STMN1: variants seen among roughly 807,000 people sequenced by gnomAD.
The protein encoded by STMN1 is stathmin 1.
Under a neutral mutation model 19.7 loss-of-function variants are expected in STMN1, and 3 were observed. The observed-to-expected ratio is 0.15, with a 90% CI of 0.07 to 0.39. STMN1 has a LOEUF of 0.39. STMN1 is among the 10% of genes least tolerant of loss of function. The pLI, the probability that STMN1 is intolerant of heterozygous loss-of-function variation, is 1.00. For missense variants in STMN1, 99 were observed against 176.0 expected (o/e 0.56, Z 2.48); for synonymous variants, 59 against 58.9 (o/e 1.00, Z -0.01).
At chr1:25,891,948 C>T (rs1335317379) in intron 4 of STMN1, among the ~76,000 whole-genome samples, 1 of 152,168 alleles carries the variant, frequency 6.6e-6, no homozygotes, top group Non-Finnish European at 1.5e-5. Context: ...GCGAGGGGGT[C>T]TCTGCAGTTT....
In STMN1 at chr1:25,901,581, C is replaced by T; in HGVS notation, c.288G>A (p.Met96Ile). 6.2e-7 allele frequency: 1 copy of T among 1,614,102 alleles called. No homozygotes were observed. The highest frequency in any genetic ancestry group is 1.3e-5 in the African/African-American group (1 of 75,026). The change falls in exon 4 of 5, where the codon ATG becomes ATA. Residue 96 changes from methionine (M) to isoleucine (I), a missense_variant. Physicochemically the swap from Met to Ile is conservative, Grantham distance 10. This residue lies in a region of STMN1 where 54 missense variants were observed against 79.4 expected (regional missense o/e 0.68). Coordinates refer to ENST00000455785, the MANE Select transcript of STMN1 (RefSeq NM_005563.4). ...TTTTGTGGGTCAGTTTCTCTTCTGC[C>T]ATTTTACTGAAGTTGTTGTTCTCTT... is the stretch of plus-strand genomic sequence containing the variant. ...AIEENNNFSK[M>I]AEEKLTHKME...
intron 4 of STMN1, chr1:25,892,551 C>T: frequency 1.0e-6 from 1 of 983,800 alleles, no homozygotes; most frequent in Non-Finnish European, 1.2e-6. Flanking sequence ...GTAGATGCCA[C>T]CACGGCTGAG....
rs368618021 is a variant in STMN1 at position 25,904,879 on chromosome 1, AT to A, written c.-62-142del. On this transcript the variant is annotated intron_variant, in intron 1 of 4. Transcript: ENST00000455785. ...GACGTCTAAATTAACCACGAAAAAA[AT>A]TATCAAAATCTACTAAATAAACATT... 5.8e-4 allele frequency: 290 copies of A among 499,040 alleles called. 5 individuals are homozygous for A. Among genetic ancestry groups the A allele is most frequent in the East Asian group, 4.1e-3 (121 of 29,594 alleles). 30.9% of individuals were successfully genotyped at this position (499,040 alleles called of 1,614,324 possible).
rs570539916 is a variant in STMN1 at position 25,901,762 on chromosome 1, C to T, written c.187-80G>A. ...TGGTGGCTCACGCCTGTAATCCCAGCACTTTGGGAGGCCAAGGTGGGTGGA... is the reference window on the plus strand; with the variant it reads ...TGGTGGCTCACGCCTGTAATCCCAGTACTTTGGGAGGCCAAGGTGGGTGGA... On this transcript the variant is annotated intron_variant, in intron 3 of 4. Coordinates refer to ENST00000455785, the MANE Select transcript of STMN1 (RefSeq NM_005563.4). The T allele has an allele frequency of 2.1e-5, 30 of 1,428,744 alleles. No homozygotes were observed. The African/African-American group carries it at 4.3e-4, about 21-fold the overall frequency. 88.5% of individuals were successfully genotyped at this position (1,428,744 alleles called of 1,614,324 possible). A position where few individuals can be genotyped will look rare whatever the true frequency, so the allele number is the denominator to read the frequency against.
chr1:25,895,997 G>T (rs2048815547), downstream of STMN1, among the ~76,000 whole-genome samples: 1 of 152,158 alleles, frequency 6.6e-6, no homozygotes, highest in South Asian at 2.1e-4. Context: ...CTCCCACCAC[G>T]AGCCAGGAGA....
intron 4 of STMN1, among the ~76,000 whole-genome samples, chr1:25,889,619 G>A (rs1476357521): frequency 4.6e-5 from 7 of 152,038 alleles, no homozygotes; most frequent in Admixed American, 4.6e-4. Context: ...CACTGTCCAA[G>A]CCACTCTCAT....
chr1:25,886,479 G>C (rs960917634), intron 4 of STMN1, among the ~76,000 whole-genome samples: 1 of 151,908 alleles, frequency 6.6e-6, no homozygotes, highest in African/African-American at 2.4e-5. Context: ...AGTGGGAGAC[G>C]AGTGCACCTG....
chr1:25,893,267 G>T (rs1223223189), intron 4 of STMN1, among the ~76,000 whole-genome samples: 1 of 152,156 alleles, frequency 6.6e-6, no homozygotes, highest in Non-Finnish European at 1.5e-5. Flanking sequence ...TTATCTCGCT[G>T]CAGACCAGTA....
downstream of STMN1, among the ~76,000 whole-genome samples, chr1:25,898,795 G>A (rs535981321): frequency 6.6e-5 from 10 of 152,324 alleles, no homozygotes; most frequent in African/African-American, 2.2e-4. Context: ...TGGGACAGAC[G>A]CAGACTCCCG....
At chr1:25,901,803 A>T in intron 3 of STMN1, 121 bp from the exon 4 acceptor site, 1 of 905,382 alleles carries the variant, frequency 1.1e-6, no homozygotes. Flanking sequence ...TGAGGTCAGG[A>T]GTTCAAGACC....
intron 4 of STMN1, among the ~76,000 whole-genome samples, chr1:25,886,506 A>G (rs763808100): frequency 7.9e-5 from 12 of 150,974 alleles, no homozygotes; most frequent in South Asian, 2.1e-4. Context: ...CAGTCCAGCC[A>G]TGCTCACATG....
At chr1:25,886,298 C>G (rs893265354) in intron 4 of STMN1, among the ~76,000 whole-genome samples, 4 of 152,178 alleles carry the variant, frequency 2.6e-5, no homozygotes, top group Non-Finnish European at 5.9e-5. Flanking sequence ...AAATCCAAAA[C>G]TCAGGCAGTG....
intron 4 of STMN1, among the ~76,000 whole-genome samples, chr1:25,893,908 G>A (rs909136197): frequency 2.0e-5 from 3 of 152,204 alleles, no homozygotes; most frequent in Admixed American, 6.5e-5. Context: ...GATAACCACA[G>A]GGAGTCATGG....
In STMN1 at chr1:25,906,256, A is replaced by G. The variant is rs912447581; in HGVS notation, c.-63+133T>C. 6.9e-6 allele frequency: 1 copy of G among 144,354 alleles called. No individual in the cohort carries two copies. Among genetic ancestry groups the G allele is most frequent in the African/African-American group, 2.6e-5 (1 of 38,170 alleles). The allele number at this position is 144,354 out of a possible 1,614,324, so 8.9% of individuals were successfully genotyped here. On this transcript the variant is annotated intron_variant, in intron 1 of 4. Transcript: ENST00000455785. The surrounding 1 kb of genome is among the most constrained non-coding windows in gnomAD (Gnocchi z 4.5). ...AAAGCGGAGCGACCCCCGCCCACCA[A>G]CCCCTCCGAGGCCCGCAGCCCCGCC... is the stretch of plus-strand genomic sequence containing the variant.
chr1:25,898,520 G>A (rs370477879), downstream of STMN1, among the ~76,000 whole-genome samples: 15 of 152,272 alleles, frequency 9.9e-5, no homozygotes, highest in East Asian at 1.9e-4. Context: ...CATCCCTAGC[G>A]CAAAGGCCAG....
chr1:25,895,296 C>T (rs1240496366), downstream of STMN1, among the ~76,000 whole-genome samples: 9 of 151,910 alleles, frequency 5.9e-5, no homozygotes, highest in Admixed American at 3.3e-4. Context: ...TTAGTAGAGA[C>T]GGGGTTTCAC....
At chr1:25,893,604 G>A (rs564445859) in intron 4 of STMN1, among the ~76,000 whole-genome samples, 103 of 152,262 alleles carry the variant, frequency 6.8e-4, no homozygotes, top group African/African-American at 2.4e-3. Context: ...GCGATGGTGT[G>A]AACTCGGCTC....
At chr1:25,887,671 T>C in intron 4 of STMN1, 1 of 212,682 alleles carries the variant, frequency 4.7e-6, no homozygotes, top group Non-Finnish European at 9.6e-6. Context: ...TAAAGATGTG[T>C]TTTTTGGGGT....
chr1:25,902,343 C>T (rs954144227), intron 3 of STMN1: 13 of 152,092 alleles, frequency 8.5e-5, no homozygotes, highest in Non-Finnish European at 1.5e-4. Flanking sequence ...AAAAGCTACC[C>T]AAAGAAAACT....
Sources: gnomAD v4.1 joint callset for allele counts (sites outside exome capture counted in the v4.1 genomes callset) on GRCh38, gnomAD v4.1.1 for gene constraint, gnomAD v4.1.1 regional missense constraint, Gnocchi (gnomAD v3.1) non-coding constraint, MANE v1.5 for transcripts, NCBI Gene and HGNC (gene_info 2026-07-23, HGNC 2026-07-21) for gene names.